The following MEGF10 variants were observed in gnomAD, a reference collection of about 807,000 sequenced individuals.
MEGF10 encodes the protein multiple epidermal growth factor-like domains protein 10.
MEGF10 carries 86 observed loss-of-function variants against 147.5 expected under a neutral mutation model. That is an observed-to-expected ratio of 0.58 (90% confidence interval 0.49 to 0.70). The LOEUF is 0.70. MEGF10 is among the 30% of genes least tolerant of loss of function. The pLI is 0.00. For synonymous variants in MEGF10, 478 were observed against 525.5 expected (o/e 0.91, Z 1.24); for missense variants, 1,329 against 1,487.3 (o/e 0.89, Z 1.75).
At chr5:127,380,877 T>C (rs1580789888) in intron 5 of MEGF10, among the ~76,000 whole-genome samples, 1 of 152,130 alleles carries the variant, frequency 6.6e-6, no homozygotes, top group African/African-American at 2.4e-5. Context: ...GTAGCTGCAA[T>C]GAAATTATAG....
chr5:127,265,070 C>T, the MEGF10 span, among the ~76,000 whole-genome samples: 2 of 152,164 alleles, frequency 1.3e-5, no homozygotes, highest in Non-Finnish European at 2.9e-5. Context: ...CTCCTCCCTT[C>T]CCCCTCACCA....
intron 10 of MEGF10, among the ~76,000 whole-genome samples, chr5:127,418,407 A>G (rs1458081917): frequency 1.3e-5 from 2 of 152,230 alleles, no homozygotes; most frequent in Non-Finnish European, 2.9e-5. Context: ...TTTAAAGAGC[A>G]CATTGAACTA....
In MEGF10 at chr5:127,455,403, C is replaced by G; in HGVS notation, c.3028C>G (p.Leu1010Val). The change falls in exon 24 of 25, where the codon CTG (leucine) becomes GTG (valine). Residue 1010 changes from leucine (L) to valine (V), a missense_variant and splice_region_variant. Transcript: ENST00000503335. ...TCTCTTCTCATTTCTCTTCACAGACCTGGGAAAGAATTCTGAATATAATTC... is the reference window on the plus strand; with the variant it reads ...TCTCTTCTCATTTCTCTTCACAGACGTGGGAAAGAATTCTGAATATAATTC... ...RSYMGKSLKD[L>V]GKNSEYNSSN... The G allele has an allele frequency of 6.2e-7, 1 of 1,613,436 alleles. No homozygotes were observed.
rs749389787 is a variant in MEGF10, at chr5:127,449,113, A to G, written c.2871A>G (p.Gln957=). Residue 957 remains glutamine (Q), a synonymous_variant, in exon 22 of 25, where the codon CAA becomes CAG. Coordinates refer to ENST00000503335, the MANE Select transcript of MEGF10 (RefSeq NM_001256545.2). The part of the protein sequence containing the change: ...RMTVTKSKNN[Q]LFVNLKNVNP... ...ATTTTTAACAGTCAAAAAACAATCAACTGTTTGTGAATCTTAAAAATGTGA... is the reference window on the plus strand; with the variant it reads ...ATTTTTAACAGTCAAAAAACAATCAGCTGTTTGTGAATCTTAAAAATGTGA... 6 of 1,613,990 alleles carry G rather than the reference A, an allele frequency of 3.7e-6. No homozygotes were observed. The highest frequency in any genetic ancestry group is 5.1e-6 in the Non-Finnish European group (6 of 1,179,988).
At chr5:127,416,373 T>A (rs1764780480) in intron 9 of MEGF10, among the ~76,000 whole-genome samples, 1 of 152,096 alleles carries the variant, frequency 6.6e-6, no homozygotes, top group Non-Finnish European at 1.5e-5. Context: ...GCCGTGGAGA[T>A]GCCATGTGAC....
the MEGF10 span, among the ~76,000 whole-genome samples, chr5:127,267,701 T>G: frequency 6.6e-6 from 1 of 152,210 alleles, no homozygotes; most frequent in Admixed American, 6.5e-5. Flanking sequence ...TTTTCTAGTT[T>G]ATTTGCATAG....
At chr5:127,320,014 T>C (rs1760729470) in intron 1 of MEGF10, among the ~76,000 whole-genome samples, 1 of 152,118 alleles carries the variant, frequency 6.6e-6, no homozygotes, top group South Asian at 2.1e-4. Flanking sequence ...AAAATTAGAG[T>C]GTTGGACCAG....
At chr5:127,287,495 T>C (rs374151222), upstream of MEGF10, among the ~76,000 whole-genome samples, 11 of 152,150 alleles carry the variant, frequency 7.2e-5, 1 homozygote, top group Admixed American at 4.6e-4. Flanking sequence ...TATGAAATAT[T>C]AAAAATAAAA....
intron 5 of MEGF10, among the ~76,000 whole-genome samples, chr5:127,393,573 A>G (rs960641354): frequency 6.6e-6 from 1 of 152,174 alleles, no homozygotes; most frequent in African/African-American, 2.4e-5. Flanking sequence ...TGAATAGACC[A>G]TGTTGATGTA....
At chr5:127,258,983 A>T in the MEGF10 span, among the ~76,000 whole-genome samples, 2 of 152,214 alleles carry the variant, frequency 1.3e-5, no homozygotes, top group Non-Finnish European at 2.9e-5. Flanking sequence ...GGTGAGGGTC[A>T]TTGGAGAATG....
At chr5:127,450,480 A>T (rs938552139) in intron 22 of MEGF10, among the ~76,000 whole-genome samples, 2 of 152,200 alleles carry the variant, frequency 1.3e-5, no homozygotes, top group Non-Finnish European at 2.9e-5. Context: ...CAAGCCTGTA[A>T]CCCATATTTT....
At chr5:127,413,905 A>G (rs1764664100) in intron 9 of MEGF10, among the ~76,000 whole-genome samples, 2 of 152,186 alleles carry the variant, frequency 1.3e-5, no homozygotes, top group African/African-American at 4.8e-5. Flanking sequence ...TGTTGAATTC[A>G]TTGTCATCCA....
At position 127,435,971 on chromosome 5, in the gene MEGF10, G is replaced by C. The variant is rs540568996; in HGVS notation, c.2104+482G>C. ...TTCCACACCACTGGATTTCAGACAG[G>C]AATTGTGTGACCCTATAAGGGACTA... On this transcript the variant is annotated intron_variant, in intron 16 of 24. Coordinates refer to ENST00000503335, the MANE Select transcript of MEGF10 (RefSeq NM_001256545.2). Among the ~76,000 whole-genome samples, 5 of 152,202 alleles carry C rather than the reference G, an allele frequency of 3.3e-5. No individual in the cohort carries two copies. In the South Asian group the frequency reaches 1.0e-3, roughly 32 times the overall value.
At chr5:127,332,501 GCTGGTTTCTCA>G (rs1444053348) in intron 2 of MEGF10, among the ~76,000 whole-genome samples, 1 of 152,156 alleles carries the variant, frequency 6.6e-6, no homozygotes, top group East Asian at 1.9e-4. Context: ...CTGGGGACAT[GCTGGTTTCTCA>G]CTCAGTATTA....
At chr5:127,426,766 G>A (rs750278275) in intron 13 of MEGF10, among the ~76,000 whole-genome samples, 8 of 152,194 alleles carry the variant, frequency 5.3e-5, no homozygotes, top group Non-Finnish European at 1.0e-4. Context: ...TGAAGTTTAT[G>A]TCTTCTTTTC....
chr5:127,248,982 T>G, the MEGF10 span, among the ~76,000 whole-genome samples: 1 of 151,972 alleles, frequency 6.6e-6, no homozygotes. Flanking sequence ...CTAAAGAAAG[T>G]TCATCAAGCT....
the MEGF10 span, among the ~76,000 whole-genome samples, chr5:127,261,694 T>C: frequency 2.6e-5 from 4 of 152,198 alleles, no homozygotes; most frequent in Non-Finnish European, 4.4e-5. Flanking sequence ...GTAAAGCAGC[T>C]GCCCCATTTT....
At chr5:127,427,395 A>G (rs17604996) in intron 13 of MEGF10, among the ~76,000 whole-genome samples, 3,619 of 152,260 alleles carry the variant, frequency 0.024, 74 homozygotes, top group Non-Finnish European at 0.039. Flanking sequence ...AGGACACCCA[A>G]TGAAACTCTA....
chr5:127,282,659 T>C, the MEGF10 span, among the ~76,000 whole-genome samples: 1 of 152,232 alleles, frequency 6.6e-6, no homozygotes, highest in Non-Finnish European at 1.5e-5. Flanking sequence ...ATTATTTTTG[T>C]ACCAATCTAA....
Sources: gnomAD v4.1 joint callset for allele counts (sites outside exome capture counted in the v4.1 genomes callset) on GRCh38, gnomAD v4.1.1 for gene constraint, MANE v1.5 for transcripts, NCBI Gene and HGNC (gene_info 2026-07-23, HGNC 2026-07-21) for gene names.